CCDC148: variants seen among roughly 807,000 people sequenced by gnomAD.
CCDC148 encodes the protein coiled-coil domain-containing protein 148.
Under a neutral mutation model 85.7 loss-of-function variants are expected in CCDC148, and 89 were observed. The ratio of observed to expected loss-of-function variants is 1.04; its 90% CI spans 0.87 to 1.24. The LOEUF (loss-of-function observed/expected upper bound fraction) is 1.24. Among genes scored for constraint, CCDC148 ranks in the 50% most tolerant of loss-of-function variants. The pLI, the probability that CCDC148 is intolerant of heterozygous loss-of-function variation, is 0.00. For missense variants in CCDC148, 692 were observed against 671.7 expected (o/e 1.03, Z -0.33); for synonymous variants, 230 against 213.9 (o/e 1.08, Z -0.66).
intron 11 of CCDC148, among the ~76,000 whole-genome samples, chr2:158,190,202 C>T (rs1685354874): frequency 6.6e-6 from 1 of 151,878 alleles, no homozygotes; most frequent in African/African-American, 2.4e-5. Context: ...TGAGGCATGA[C>T]ATCCACGACC....
intron 11 of CCDC148, among the ~76,000 whole-genome samples, chr2:158,217,336 GTATATATA>G (rs141810507): frequency 2.9e-5 from 4 of 137,712 alleles, no homozygotes; most frequent in African/African-American, 1.1e-4. Flanking sequence ...ATAATTTTGT[GTATATATA>G]TATATATATA....
chr2:158,250,689 T>C (rs1688752788), intron 10 of CCDC148, 83 bp downstream of exon 10: 5 of 1,439,896 alleles, frequency 3.5e-6, no homozygotes, highest in Non-Finnish European at 4.5e-6. Context: ...TATGAGAATT[T>C]CATGCCAAAC....
chr2:158,356,747 C>G (rs1484173605), intron 2 of CCDC148, among the ~76,000 whole-genome samples: 2 of 145,360 alleles, frequency 1.4e-5, no homozygotes, highest in Non-Finnish European at 3.0e-5. Context: ...ACCCAAAGGA[C>G]TATAAATCAT....
At chr2:158,372,821 G>A (rs1684502989) in intron 1 of CCDC148, among the ~76,000 whole-genome samples, 1 of 151,914 alleles carries the variant, frequency 6.6e-6, no homozygotes, top group African/African-American at 2.4e-5. Flanking sequence ...TCTAACTCTT[G>A]ACTCTCTAAC....
rs1559159834 is a variant in CCDC148, at chr2:158,456,739, A to T, written c.-300T>A. The T allele has an allele frequency of 1.2e-5, 5 of 422,938 alleles. No homozygotes were observed. The allele number at this position is 422,938 out of a possible 1,614,324, so 26.2% of individuals were successfully genotyped here. On this transcript the variant is annotated 5_prime_UTR_variant, in exon 1 of 14. Coordinates refer to ENST00000283233, the MANE Select transcript of CCDC148 (RefSeq NM_138803.4). ...CTCTCCAGGCCCTCTCGCGCTGAACAGCATCGGTCTCTATGGCGACCTGAA... is the reference window on the plus strand; with the variant it reads ...CTCTCCAGGCCCTCTCGCGCTGAACTGCATCGGTCTCTATGGCGACCTGAA...
At chr2:158,196,855 T>C (rs1340626454) in intron 11 of CCDC148, among the ~76,000 whole-genome samples, 1 of 152,188 alleles carries the variant, frequency 6.6e-6, no homozygotes, top group Non-Finnish European at 1.5e-5. Context: ...ATGTACTAGA[T>C]AGTAGCTGGG....
intron 1 of CCDC148, among the ~76,000 whole-genome samples, chr2:158,360,779 TCATGA>T (rs1173264475): frequency 6.6e-6 from 1 of 151,846 alleles, no homozygotes; most frequent in Non-Finnish European, 1.5e-5. Context: ...CTCCAAAGGA[TCATGA>T]CACCTCGTCA....
At chr2:158,293,729 C>T (rs1017768932) in intron 9 of CCDC148, among the ~76,000 whole-genome samples, 5 of 152,140 alleles carry the variant, frequency 3.3e-5, no homozygotes, top group Non-Finnish European at 5.9e-5. Flanking sequence ...AAGGTACCCC[C>T]AAATTCCTTG....
intron 9 of CCDC148, among the ~76,000 whole-genome samples, chr2:158,274,450 C>G (rs1451055505): frequency 2.6e-5 from 4 of 152,150 alleles, no homozygotes; most frequent in Non-Finnish European, 4.4e-5. Context: ...TAGGTGCAAG[C>G]AACTGGCCAA....
At chr2:158,452,760 C>T (rs554589115) in intron 1 of CCDC148, among the ~76,000 whole-genome samples, 1 of 152,274 alleles carries the variant, frequency 6.6e-6, no homozygotes, top group South Asian at 2.1e-4. Context: ...ATGAGGTGTG[C>T]AGGGCTGCCT....
At chr2:158,401,042 C>G (rs1478641546) in intron 1 of CCDC148, among the ~76,000 whole-genome samples, 1 of 152,108 alleles carries the variant, frequency 6.6e-6, no homozygotes, top group African/African-American at 2.4e-5. Context: ...ATTAAAAAGT[C>G]AGGAAACCAC....
chr2:158,424,656 T>C (rs994053169), intron 1 of CCDC148: 3 of 186,636 alleles, frequency 1.6e-5, no homozygotes, highest in Non-Finnish European at 2.2e-5. Flanking sequence ...ACATGGCACA[T>C]GTATACCTAT....
At chr2:158,209,492 C>T (rs966804940) in intron 11 of CCDC148, among the ~76,000 whole-genome samples, 1 of 152,200 alleles carries the variant, frequency 6.6e-6, no homozygotes, top group Non-Finnish European at 1.5e-5. Flanking sequence ...CTGGAGGACA[C>T]AGCATCCTTT....
chr2:158,262,105 TC>T (rs1447185527), intron 9 of CCDC148, among the ~76,000 whole-genome samples: 1 of 152,008 alleles, frequency 6.6e-6, no homozygotes, highest in Non-Finnish European at 1.5e-5. Flanking sequence ...AGATGTGGAA[TC>T]AACCTAAATG....
At chr2:158,444,916 G>A (rs906830185) in intron 1 of CCDC148, among the ~76,000 whole-genome samples, 4 of 151,650 alleles carry the variant, frequency 2.6e-5, no homozygotes, top group Non-Finnish European at 4.4e-5. Flanking sequence ...ATAGAAAGAA[G>A]GGGGGAAACA....
Position 158,345,316 on chromosome 2 carries a change from G to C in CCDC148, c.150C>G (p.Ile50Met), listed in dbSNP as rs769550349. Residue 50 changes from isoleucine (I) to methionine (M), a missense_variant and splice_region_variant, in exon 3 of 14, where the codon ATC (isoleucine) becomes ATG (methionine). Transcript: ENST00000283233. ...KLASASAKLK[I>M]RKAMLTSKLS... ...ACTTTGAAGTCAACATTGCTTTTCT[G>C]ATCTAGATTTAGAGGAACAAAAGAG... 8 of 1,608,524 alleles carry C rather than the reference G, an allele frequency of 5.0e-6. No individual in the cohort carries two copies. In the South Asian group the frequency reaches 8.8e-5, roughly 18 times the overall value.
intron 11 of CCDC148, among the ~76,000 whole-genome samples, chr2:158,197,639 C>T (rs1390517163): frequency 6.6e-6 from 1 of 152,130 alleles, no homozygotes; most frequent in East Asian, 1.9e-4. Context: ...TCCCCTAATA[C>T]TTCATGAGGT....
At chr2:158,426,374 ATG>A (rs752765347) in intron 1 of CCDC148, among the ~76,000 whole-genome samples, 1 of 152,186 alleles carries the variant, frequency 6.6e-6, no homozygotes, top group Non-Finnish European at 1.5e-5. Flanking sequence ...AGAAAAAGTC[ATG>A]ATAGTAAATA....
At chr2:158,195,083 A>G (rs1030272826) in intron 11 of CCDC148, among the ~76,000 whole-genome samples, 2 of 151,866 alleles carry the variant, frequency 1.3e-5, no homozygotes, top group African/African-American at 4.8e-5. Context: ...GCTTCTAGCC[A>G]TCAATGCCTA....
Sources: gnomAD v4.1 joint callset for allele counts (sites outside exome capture counted in the v4.1 genomes callset) on GRCh38, gnomAD v4.1.1 for gene constraint, MANE v1.5 for transcripts, NCBI Gene and HGNC (gene_info 2026-07-23, HGNC 2026-07-21) for gene names.